The following SMYD1 variants were observed in gnomAD, a reference collection of about 807,000 sequenced individuals.
The protein encoded by SMYD1 is histone-lysine N-methyltransferase SMYD1.
A neutral mutation model predicts 54.0 loss-of-function variants in SMYD1; 49 were observed. The ratio of observed to expected loss-of-function variants is 0.91; its 90% confidence interval spans 0.72 to 1.15. SMYD1 has a LOEUF of 1.15. Ranked by LOEUF, SMYD1 falls within the 50% of genes most tolerant of loss-of-function variation. The probability of loss-of-function intolerance (pLI) is 0.00; values close to 1 mark genes in which losing one functional copy is unlikely to be tolerated. For synonymous variants in SMYD1, 269 were observed against 234.2 expected (o/e 1.15, Z -1.36); for missense variants, 653 against 639.6 (o/e 1.02, Z -0.23).
rs572466031 is a variant in SMYD1, at chr2:88,084,943, T to C, written c.314+451T>C. Among the ~76,000 whole-genome samples, 16 of 151,344 alleles carry C rather than the reference T, an allele frequency of 1.1e-4. No homozygotes were observed. In the South Asian group the frequency reaches 3.4e-3, roughly 32 times the overall value. The stretch of plus-strand genomic sequence containing the variant: ...TTTTTGTATTTTTTTAGAGATGGGG[T>C]TTTATCATGTTGCCCAGGGTAGCCT... On this transcript the variant is annotated intron_variant, in intron 2 of 9. Coordinates refer to ENST00000419482, the MANE Select transcript of SMYD1 (RefSeq NM_198274.4).
chr2:88,089,585 G>A (rs11903173), intron 3 of SMYD1, among the ~76,000 whole-genome samples: 1 of 107,000 alleles, frequency 9.3e-6, no homozygotes, highest in Non-Finnish European at 1.8e-5. Flanking sequence ...GCTTCTACCT[G>A]TTTTTTTTTT....
chr2:88,098,230 G>A (rs1307857459), intron 6 of SMYD1, among the ~76,000 whole-genome samples: 1 of 152,102 alleles, frequency 6.6e-6, no homozygotes, highest in Non-Finnish European at 1.5e-5. Flanking sequence ...TTATTAAGAG[G>A]CCAGACCCTC....
rs764721344 is a variant in SMYD1 at position 88,096,749 on chromosome 2, G to T, written c.853G>T (p.Asp285Tyr). ...TGAACACTGCCAGAAAAAACTGAAGGATGACCTCTTCCTGGGGGTGAAAGA... is the reference window on the plus strand; with the variant it reads ...TGAACACTGCCAGAAAAAACTGAAGTATGACCTCTTCCTGGGGGTGAAAGA... ...TCEHCQKKLK[D>Y]DLFLGVKDNP... The change falls in exon 6 of 10, where the codon GAT becomes TAT. Residue 285 changes from aspartate (D) to tyrosine (Y), a missense_variant. By Grantham distance (160) the Asp-to-Tyr change is radical (BLOSUM62 -3). Transcript: ENST00000419482. The T allele has an allele frequency of 1.2e-6, 2 of 1,614,118 alleles. No individual in the cohort carries two copies. Among genetic ancestry groups the T allele is most frequent in the Non-Finnish European group, 8.5e-7 (1 of 1,180,004 alleles).
chr2:88,073,331 T>G (rs532217526), intron 1 of SMYD1, among the ~76,000 whole-genome samples: 1 of 152,346 alleles, frequency 6.6e-6, no homozygotes, highest in East Asian at 1.9e-4. Flanking sequence ...CTGGGTTGTT[T>G]CCATGTCCTT....
At chr2:88,085,418 A>G (rs1674301708) in intron 2 of SMYD1, among the ~76,000 whole-genome samples, 1 of 152,188 alleles carries the variant, frequency 6.6e-6, no homozygotes, top group Non-Finnish European at 1.5e-5. Context: ...GGAGATGCTC[A>G]GGAAGCCAGC....
rs1055016118 is a variant in SMYD1, at chr2:88,083,469, A to G, written c.138-847A>G. ...CTTCCCACACCTCTCTCCCTCACCC[A>G]TCGAATGGGCATGCATTTTCCTCCT... On this transcript the variant is annotated intron_variant, in intron 1 of 9. Coordinates refer to ENST00000419482, the MANE Select transcript of SMYD1 (RefSeq NM_198274.4). 2.0e-5 allele frequency among the ~76,000 whole-genome samples: 3 copies of G among 152,026 alleles called. No homozygotes were observed. The South Asian group carries it at 6.2e-4, about 31-fold the overall frequency.
chr2:88,077,785 G>A (rs553836502), intron 1 of SMYD1, among the ~76,000 whole-genome samples: 179 of 150,038 alleles, frequency 1.2e-3, no homozygotes, highest in African/African-American at 4.1e-3. Flanking sequence ...GTGCCGTGGC[G>A]TGATCTCGGC....
rs76095099 is a variant in SMYD1, at chr2:88,107,317, G to A, written c.1145+829G>A. Among the ~76,000 whole-genome samples, 46 of 152,278 alleles carry A rather than the reference G, an allele frequency of 3.0e-4. 1 individual carries two copies. Among genetic ancestry groups the A allele is most frequent in the South Asian group, 1.7e-3 (8 of 4,824 alleles). On this transcript the variant is annotated intron_variant, in intron 8 of 9. Transcript: ENST00000419482. ...TTTCTGGCCAAATAAGTTGACACAC[G>A]TTCATTTCTTTGAGAGGATGTTAGT...
chr2:88,094,918 C>G (rs1000153539), intron 5 of SMYD1, among the ~76,000 whole-genome samples: 1 of 152,142 alleles, frequency 6.6e-6, no homozygotes, highest in Non-Finnish European at 1.5e-5. Flanking sequence ...TTATTAAGGA[C>G]ATTAGTAGAG....
chr2:88,107,122 A>T (rs965803861), intron 8 of SMYD1, among the ~76,000 whole-genome samples: 3 of 152,068 alleles, frequency 2.0e-5, no homozygotes, highest in African/African-American at 7.2e-5. Flanking sequence ...AATGGCGTGA[A>T]CCTGGGAGGC....
chr2:88,106,486 T>C lies in SMYD1; in HGVS notation c.1143T>C (p.Tyr381=). The change falls in exon 8 of 10, where the codon TAT becomes TAC. Residue 381 remains tyrosine (Y), a splice_region_variant and synonymous_variant. Coordinates refer to ENST00000419482, the MANE Select transcript of SMYD1 (RefSeq NM_198274.4). ...ATGCCAGGAGGATGGTGGACGGCTA[T>C]ATGTAGGTGACGATTCTAGGTCTCA... ...SFYARRMVDG[Y]MKLYHPNNAQ... The C allele has an allele frequency of 6.2e-7, 1 of 1,612,270 alleles. No individual in the cohort carries two copies. Among genetic ancestry groups the C allele is most frequent in the Non-Finnish European group, 8.5e-7 (1 of 1,178,416 alleles).
chr2:88,086,778 GA>G (rs1674337668), intron 2 of SMYD1, among the ~76,000 whole-genome samples: 1 of 150,670 alleles, frequency 6.6e-6, no homozygotes, highest in Non-Finnish European at 1.5e-5. Flanking sequence ...ACCGATTTCA[GA>G]AATGAAATTT....
At position 88,103,152 on chromosome 2, in the gene SMYD1, T is replaced by TAAGAATTCAC; in HGVS notation, c.981+3_981+12dup. The stretch of plus-strand genomic sequence containing the variant: ...CGTTCCGAGGGTTTGTATCATGAGG[T>TAAGAATTCAC]AAGAATTCACTTGTTATAGAGGATG... On this transcript the variant is annotated splice_region_variant and intron_variant, in intron 7 of 9. Coordinates refer to ENST00000419482, the MANE Select transcript of SMYD1 (RefSeq NM_198274.4). 1.2e-6 allele frequency: 2 copies of TAAGAATTCAC among 1,611,880 alleles called. No homozygotes were observed. Among genetic ancestry groups the TAAGAATTCAC allele is most frequent in the Non-Finnish European group, 1.7e-6 (2 of 1,178,770 alleles).
Position 88,108,458 on chromosome 2 carries a change from G to A in SMYD1, c.1233G>A (p.Val411=). 6.2e-7 allele frequency: 1 copy of A among 1,612,972 alleles called. No homozygotes were observed. Among genetic ancestry groups the A allele is most frequent in the South Asian group, 1.1e-5 (1 of 90,822 alleles). ...LTNWHAGNIE[V]GHGMICKAYA... ...ACTGGCATGCTGGTAACATTGAGGT[G>A]GGGCACGGGATGATCTGCAAAGCCT... Residue 411 remains valine (V), a synonymous_variant, in exon 9 of 10, where the codon GTG becomes GTA. Coordinates refer to ENST00000419482, the MANE Select transcript of SMYD1 (RefSeq NM_198274.4).
intron 2 of SMYD1, 55 bp downstream of exon 2, chr2:88,084,547 G>A (rs1674277825): frequency 6.0e-6 from 9 of 1,493,484 alleles, no homozygotes; most frequent in Non-Finnish European, 8.2e-6. Context: ...AGGCTGGAAT[G>A]GTGGCAGTAA....
intron 1 of SMYD1, among the ~76,000 whole-genome samples, chr2:88,080,269 G>A (rs1359036133): frequency 6.6e-6 from 1 of 152,186 alleles, no homozygotes; most frequent in African/African-American, 2.4e-5. Flanking sequence ...TGATTACCTA[G>A]GTGATCACCT....
Position 88,088,032 on chromosome 2 carries a change from G to A in SMYD1, c.485G>A (p.Ser162Asn), listed in dbSNP as rs751819807. The change falls in exon 3 of 10, where the codon AGC becomes AAC. Residue 162 changes from serine to asparagine, a missense_variant. By Grantham distance (46) the Ser-to-Asn change is conservative. Coordinates refer to ENST00000419482, the MANE Select transcript of SMYD1 (RefSeq NM_198274.4). ...TTCTTGCAGTACTGGCCGCCGCAGA[G>A]CCAGCAGTTCAGCATGCAGTACATC... Reference protein sequence around the residue: ...DTFLQYWPPQSQQFSMQYISH... With the variant: ...DTFLQYWPPQNQQFSMQYISH... The A allele has an allele frequency of 6.5e-5, 105 of 1,614,064 alleles. No homozygotes were observed. The highest frequency in any genetic ancestry group is 8.3e-5 in the Non-Finnish European group (98 of 1,180,038).
chr2:88,097,435 G>A (rs1373976274), intron 6 of SMYD1, among the ~76,000 whole-genome samples: 1 of 152,204 alleles, frequency 6.6e-6, no homozygotes, highest in Non-Finnish European at 1.5e-5. Flanking sequence ...GAGCAGAAAT[G>A]AGAGTGAAGT....
rs1203665239 is a variant in SMYD1 at position 88,080,601 on chromosome 2, C to A, written c.138-3715C>A. ...GTCTAACTGTTCCCTCTCCAGACCA[C>A]CTCCTGGCTCTCCTCCCTTTCTCTC... On this transcript the variant is annotated intron_variant, in intron 1 of 9. Coordinates refer to ENST00000419482, the MANE Select transcript of SMYD1 (RefSeq NM_198274.4). 7.9e-5 allele frequency among the ~76,000 whole-genome samples: 12 copies of A among 152,234 alleles called. No individual in the cohort carries two copies. The East Asian group carries it at 2.3e-3, about 29-fold the overall frequency.
Sources: allele counts gnomAD v4.1 joint callset (sites outside exome capture counted in the v4.1 genomes callset), GRCh38; gene constraint gnomAD v4.1.1; transcripts MANE v1.5; gene names NCBI Gene and HGNC (gene_info 2026-07-23, HGNC 2026-07-21).